The following ARHGEF40 variants were observed in gnomAD, a reference collection of about 807,000 sequenced individuals.
ARHGEF40 encodes Rho guanine nucleotide exchange factor 40.
Under a neutral mutation model 165.9 loss-of-function variants are expected in ARHGEF40, and 98 were observed. That is an observed-to-expected ratio of 0.59 (90% CI 0.50 to 0.70). The LOEUF (loss-of-function observed/expected upper bound fraction) is 0.70. Ranked by LOEUF, ARHGEF40 falls within the 30% of genes least tolerant of loss-of-function variation. ARHGEF40 has a pLI of 0.00. For synonymous variants in ARHGEF40, 792 were observed against 814.3 expected (o/e 0.97, Z 0.47); for missense variants, 1,815 against 1,968.0 (o/e 0.92, Z 1.47).
intron 13 of ARHGEF40, chr14:21,081,276 C>A: frequency 1.3e-6 from 1 of 771,186 alleles, no homozygotes; most frequent in Non-Finnish European, 2.0e-6. Flanking sequence ...ACAGAGCCTG[C>A]CACTCATAAA....
At position 21,075,694 on chromosome 14, in the gene ARHGEF40, C is replaced by T. The variant is rs1226206222; in HGVS notation, c.1668C>T (p.Cys556=). The T allele has an allele frequency of 1.2e-6, 2 of 1,613,848 alleles. No individual in the cohort carries two copies. Among genetic ancestry groups the T allele is most frequent in the South Asian group, 1.1e-5 (1 of 91,056 alleles). The change falls in exon 5 of 24, where the codon TGC becomes TGT. Residue 556 remains cysteine (C), a synonymous_variant. Coordinates refer to ENST00000298694, the MANE Select transcript of ARHGEF40 (RefSeq NM_018071.5). This position sits in a 1 kb window ranked among gnomAD's most constrained non-coding sequence, Gnocchi z 4.5. The part of the protein sequence containing the change: ...GRALLTITPP[C]PPEEPPPSRD... ...CTCTGCTGACCATTACCCCACCGTG[C>T]CCTCCTGAGGAGCCCCCACCCTCCC...
At position 21,076,772 on chromosome 14, in the gene ARHGEF40, A is replaced by G; in HGVS notation, c.1918-2A>G. The G allele has an allele frequency of 6.2e-7, 1 of 1,614,010 alleles. No individual in the cohort carries two copies. Among genetic ancestry groups the G allele is most frequent in the Non-Finnish European group, 8.5e-7 (1 of 1,179,958 alleles). ...AGAAACCCCCTGCCTTACCCTCTACAGGGTGCTGAGGTGCTGTCAGAGAAT... is the reference window on the plus strand; with the variant it reads ...AGAAACCCCCTGCCTTACCCTCTACGGGGTGCTGAGGTGCTGTCAGAGAAT... On this transcript the variant is annotated splice_acceptor_variant, in intron 7 of 23. Transcript: ENST00000298694. LOFTEE classifies it high-confidence loss of function.
chr14:21,083,537 A>C (rs1259059888), intron 16 of ARHGEF40, among the ~76,000 whole-genome samples: 1 of 152,206 alleles, frequency 6.6e-6, no homozygotes, highest in Non-Finnish European at 1.5e-5. Flanking sequence ...GCGACAGAGC[A>C]AGACTCCATC....
Position 21,080,862 on chromosome 14 carries a change from C to G in ARHGEF40, c.2497-11C>G. 1 of 1,612,570 alleles carries G rather than the reference C, an allele frequency of 6.2e-7. No individual in the cohort carries two copies. The highest frequency in any genetic ancestry group is 8.5e-7 in the Non-Finnish European group (1 of 1,179,186). On this transcript the variant is annotated splice_polypyrimidine_tract_variant and intron_variant, in intron 12 of 23. Transcript: ENST00000298694. Reference sequence around the variant, plus strand: ...TGAGGACCAGGTCTGAGCGCAGCCTCCCTTCTCCAGGAGCGCCTGGCCCAG... The same window carrying G: ...TGAGGACCAGGTCTGAGCGCAGCCTGCCTTCTCCAGGAGCGCCTGGCCCAG...
chr14:21,078,788 G>T, intron 10 of ARHGEF40, 96 bp from the exon 11 acceptor site: 1 of 1,521,222 alleles, frequency 6.6e-7, no homozygotes, highest in Non-Finnish European at 9.0e-7. Flanking sequence ...ATGCTGCTAT[G>T]CAACCTCTCA....
At chr14:21,069,356 C>G (rs934710879), upstream of ARHGEF40, among the ~76,000 whole-genome samples, 5 of 152,196 alleles carry the variant, frequency 3.3e-5, no homozygotes, top group African/African-American at 1.2e-4. Context: ...GCCACGAGCC[C>G]TAGCGGCCCT....
rs1887087656 is a variant in ARHGEF40 at position 21,072,881 on chromosome 14, T to G, written c.4-164T>G. On this transcript the variant is annotated intron_variant, in intron 1 of 23. Coordinates refer to ENST00000298694, the MANE Select transcript of ARHGEF40 (RefSeq NM_018071.5). The surrounding 1 kb of genome is among the most constrained non-coding windows in gnomAD (Gnocchi z 4.1). The stretch of plus-strand genomic sequence containing the variant: ...TTTGTGCACTCTGGCCCAGCCCCAC[T>G]CCTGTTCTGGGCTCATCAGCCAGCA... Among the ~76,000 whole-genome samples, 1 of 152,178 alleles carries G rather than the reference T, an allele frequency of 6.6e-6. No individual in the cohort carries two copies. Among genetic ancestry groups the G allele is most frequent in the Non-Finnish European group, 1.5e-5 (1 of 68,024 alleles).
rs1887650226 is a variant in ARHGEF40, at chr14:21,078,899, C to T, written c.2262C>T (p.Gly754=). 1 of 1,613,540 alleles carries T rather than the reference C, an allele frequency of 6.2e-7. No homozygotes were observed. Among genetic ancestry groups the T allele is most frequent in the East Asian group, 2.2e-5 (1 of 44,864 alleles). Residue 754 remains glycine (G), a synonymous_variant, in exon 11 of 24, where the codon GGC becomes GGT. Transcript: ENST00000298694. ...CCTTCCCAAGGCTGGAGGGCCAAGG[C>T]CCAGCTACACTGTATCAGGAAGTGG... ...STPSSKLEGQ[G]PATLYQEVDE...
In ARHGEF40 at chr14:21,084,880, C is replaced by T; in HGVS notation, c.3917C>T (p.Pro1306Leu). Residue 1306 changes from proline (P) to leucine (L), a missense_variant, in exon 18 of 24, where the codon CCT becomes CTT. Coordinates refer to ENST00000298694, the MANE Select transcript of ARHGEF40 (RefSeq NM_018071.5). Reference sequence around the variant, plus strand: ...CTCCTGTTCAGCAAGCTCAAGGGCCCTGAAGGGGGGTCAGAGATGTTTGTT... The same window carrying T: ...CTCCTGTTCAGCAAGCTCAAGGGCCTTGAAGGGGGGTCAGAGATGTTTGTT... Reference protein sequence around the residue: ...HLLLFSKLKGPEGGSEMFVYK... With the variant: ...HLLLFSKLKGLEGGSEMFVYK... 6.2e-7 allele frequency: 1 copy of T among 1,614,124 alleles called. No individual in the cohort carries two copies. The highest frequency in any genetic ancestry group is 8.5e-7 in the Non-Finnish European group (1 of 1,180,014).
intron 13 of ARHGEF40, 29 bp downstream of exon 13, chr14:21,081,045 C>A (rs775662475): frequency 5.1e-6 from 8 of 1,568,124 alleles, no homozygotes; most frequent in East Asian, 2.2e-5. Context: ...CCTTCTGTGC[C>A]CCCCCATTTC....
In ARHGEF40 at chr14:21,089,007, C is replaced by A; in HGVS notation, c.*6-7C>A. On this transcript the variant is annotated splice_region_variant and splice_polypyrimidine_tract_variant and intron_variant, in intron 23 of 23. Transcript: ENST00000298694. Reference sequence around the variant, plus strand: ...AACTCATCTCCCTCTTCTCTCCTGGCTTCTAGAGAAGATCCAGAACTTGCG... The same window carrying A: ...AACTCATCTCCCTCTTCTCTCCTGGATTCTAGAGAAGATCCAGAACTTGCG... The A allele has an allele frequency of 2.2e-6, 2 of 916,888 alleles. No individual in the cohort carries two copies. Among genetic ancestry groups the A allele is most frequent in the Non-Finnish European group, 3.3e-6 (2 of 606,594 alleles). The allele number at this position is 916,888 out of a possible 1,614,324, so 56.8% of individuals were successfully genotyped here. A position where few individuals can be genotyped will look rare whatever the true frequency, so the allele number is the denominator to read the frequency against.
upstream of ARHGEF40, among the ~76,000 whole-genome samples, chr14:21,067,781 C>CAT (rs923612704): frequency 6.6e-6 from 1 of 151,712 alleles, no homozygotes; most frequent in African/African-American, 2.4e-5. Flanking sequence ...CACACACACA[C>CAT]ACACTTTTAG....
intron 14 of ARHGEF40, 27 bp downstream of exon 14, chr14:21,082,146 A>G: frequency 6.4e-7 from 1 of 1,562,506 alleles, no homozygotes; most frequent in South Asian, 1.2e-5. Flanking sequence ...ACTGGTGCTA[A>G]GAGGCGGAGC....
rs371537353 is a variant in ARHGEF40 at position 21,088,401 on chromosome 14, C to T, written c.4518+303C>T. 6.6e-5 allele frequency among the ~76,000 whole-genome samples: 10 copies of T among 151,868 alleles called. No homozygotes were observed. The East Asian group carries it at 1.9e-3, about 29-fold the overall frequency. On this transcript the variant is annotated intron_variant, in intron 22 of 23. Transcript: ENST00000298694. ...TGGGTTAAAATGGCAAAACTCAGGC[C>T]AGGTAAGGTGGCTCATACCTGTAAT...
At position 21,085,827 on chromosome 14, in the gene ARHGEF40, A is replaced by G; in HGVS notation, c.4099A>G (p.Ile1367Val). 1.2e-6 allele frequency: 2 copies of G among 1,614,144 alleles called. No homozygotes were observed. Among genetic ancestry groups the G allele is most frequent in the Middle Eastern group, 1.7e-4 (1 of 6,058 alleles). ...GATCAAACTCAAGTGGACAAGTTCT[A>G]TTGCCCAGCTGCTGTGGAGACAGGC... ...PEIKLKWTSS[I>V]AQLLWRQAAH... Residue 1367 changes from isoleucine to valine, a missense_variant, in exon 19 of 24, where the codon ATT becomes GTT. By Grantham distance (29) the Ile-to-Val change is conservative (BLOSUM62 3). Coordinates refer to ENST00000298694, the MANE Select transcript of ARHGEF40 (RefSeq NM_018071.5).
At chr14:21,062,210 A>G in the ARHGEF40 span, among the ~76,000 whole-genome samples, 1 of 152,252 alleles carries the variant, frequency 6.6e-6, no homozygotes, top group South Asian at 2.1e-4. Context: ...AAAAACTCAC[A>G]TTGACACTAC....
At chr14:21,071,616 C>G (rs1886880772) in intron 1 of ARHGEF40, among the ~76,000 whole-genome samples, 2 of 152,178 alleles carry the variant, frequency 1.3e-5, no homozygotes, top group African/African-American at 4.8e-5. Flanking sequence ...CCCCTCCTCC[C>G]CTCCTGCCGC....
upstream of ARHGEF40, among the ~76,000 whole-genome samples, chr14:21,068,393 A>G (rs1398501588): frequency 6.6e-6 from 1 of 151,864 alleles, no homozygotes; most frequent in Non-Finnish European, 1.5e-5. Flanking sequence ...ATATTCCACT[A>G]CCTAAGAGTA....
At chr14:21,088,380 T>A (rs1888544984) in intron 22 of ARHGEF40, among the ~76,000 whole-genome samples, 1 of 151,542 alleles carries the variant, frequency 6.6e-6, no homozygotes, top group Non-Finnish European at 1.5e-5. Flanking sequence ...TGGACTTGGG[T>A]TAAAATGGCA....
Sources: gnomAD v4.1 joint callset for allele counts (sites outside exome capture counted in the v4.1 genomes callset) on GRCh38, gnomAD v4.1.1 for gene constraint, Gnocchi (gnomAD v3.1) non-coding constraint, MANE v1.5 for transcripts, NCBI Gene and HGNC (gene_info 2026-07-23, HGNC 2026-07-21) for gene names.